POLR3E: variants seen among roughly 807,000 people sequenced by gnomAD.
POLR3E encodes the protein RNA polymerase III subunit E.
In POLR3E, 41 loss-of-function variants were observed where a neutral mutation model predicts 96.6. That is an observed-to-expected ratio of 0.42 (90% CI 0.33 to 0.55). The LOEUF (loss-of-function observed/expected upper bound fraction) is 0.55. POLR3E is among the 20% of genes least tolerant of loss of function. POLR3E has a pLI of 0.06. For synonymous variants in POLR3E, 396 were observed against 383.6 expected (o/e 1.03, Z -0.38); for missense variants, 849 against 952.1 (o/e 0.89, Z 1.43).
At chr16:22,301,261 G>A (rs1157868432) in intron 1 of POLR3E, among the ~76,000 whole-genome samples, 1 of 152,152 alleles carries the variant, frequency 6.6e-6, no homozygotes, top group Admixed American at 6.6e-5. Context: ...GCAGGAGATT[G>A]TTTAGGGTTT....
At chr16:22,333,556 T>C in intron 20 of POLR3E, 88 bp from the exon 21 acceptor site, 1 of 903,394 alleles carries the variant, frequency 1.1e-6, no homozygotes. Context: ...TATTCACTAA[T>C]CATAAATCGA....
chr16:22,301,995 G>A (rs907497178), intron 1 of POLR3E, among the ~76,000 whole-genome samples: 2 of 152,054 alleles, frequency 1.3e-5, no homozygotes, highest in Non-Finnish European at 2.9e-5. Context: ...AGGCCTGGGG[G>A]TGCCTGAGTA....
At chr16:22,332,568 A>G (rs1429390247) in intron 20 of POLR3E, among the ~76,000 whole-genome samples, 1 of 152,100 alleles carries the variant, frequency 6.6e-6, no homozygotes, top group Non-Finnish European at 1.5e-5. Flanking sequence ...CAATAGAACA[A>G]CAAAAAAATA....
intron 1 of POLR3E, among the ~76,000 whole-genome samples, chr16:22,298,646 G>A (rs917269963): frequency 1.3e-5 from 2 of 152,202 alleles, no homozygotes; most frequent in Non-Finnish European, 2.9e-5. Flanking sequence ...GTGCAGTATA[G>A]TGGTTAAGAA....
intron 1 of POLR3E, among the ~76,000 whole-genome samples, chr16:22,298,434 C>T (rs1418514549): frequency 6.6e-6 from 1 of 152,166 alleles, no homozygotes; most frequent in Admixed American, 6.5e-5. Flanking sequence ...AGCGTCCTGT[C>T]CTTACTCCTT....
chr16:22,319,265 G>GC (rs1274115946), intron 13 of POLR3E, among the ~76,000 whole-genome samples: 3 of 152,266 alleles, frequency 2.0e-5, no homozygotes, highest in African/African-American at 7.2e-5. Flanking sequence ...GAGCCACCGG[G>GC]CCCGGCCTAC....
chr16:22,323,502 A>T lies in POLR3E; in HGVS notation c.1068+571A>T, dbSNP rs535764973. On this transcript the variant is annotated intron_variant, in intron 14 of 20. Coordinates refer to ENST00000299853, the MANE Select transcript of POLR3E (RefSeq NM_018119.4). The stretch of plus-strand genomic sequence containing the variant: ...GTCTTCCTAGGCTTGGTGCTGGCTG[A>T]AACGTGCTGCCCAGGAGCTGTCCCA... Among the ~76,000 whole-genome samples the T allele has an allele frequency of 8.2e-4, 125 of 152,194 alleles. 1 individual carries two copies. The South Asian group carries it at 0.013, about 15-fold the overall frequency.
At chr16:22,330,827 A>G (rs2048722190) in intron 19 of POLR3E, among the ~76,000 whole-genome samples, 1 of 152,082 alleles carries the variant, frequency 6.6e-6, no homozygotes, top group Non-Finnish European at 1.5e-5. Context: ...AAAAAAAAGG[A>G]GAATCAAATC....
At chr16:22,305,353 G>C in intron 3 of POLR3E, 147 bp downstream of exon 3, 1 of 733,204 alleles carries the variant, frequency 1.4e-6, no homozygotes, top group Non-Finnish European at 2.5e-6. Flanking sequence ...TTTCGTGGGT[G>C]GGTTAATATT....
rs1431224331 is a variant in POLR3E, at chr16:22,309,041, G to A, written c.281+1G>A. 2.5e-6 allele frequency: 4 copies of A among 1,604,048 alleles called. No homozygotes were observed. The highest frequency in any genetic ancestry group is 3.4e-6 in the Non-Finnish European group (4 of 1,171,404). ...CCGACGAGACCAGCACGTATTCCTCGTGAGTTTCCGGCCCCAAGCCTGTCC... is the reference window on the plus strand; with the variant it reads ...CCGACGAGACCAGCACGTATTCCTCATGAGTTTCCGGCCCCAAGCCTGTCC... On this transcript the variant is annotated splice_donor_variant, in intron 5 of 20. Transcript: ENST00000299853. LOFTEE classifies it high-confidence loss of function.
At position 22,309,476 on chromosome 16, in the gene POLR3E, C is replaced by G. The variant is rs772727182; in HGVS notation, c.330C>G (p.Asn110Lys). 6.2e-7 allele frequency: 1 copy of G among 1,613,928 alleles called. No homozygotes were observed. The highest frequency in any genetic ancestry group is 1.1e-5 in the South Asian group (1 of 91,080). The change falls in exon 6 of 21, where the codon AAC becomes AAG. Residue 110 changes from asparagine (N) to lysine (K), a missense_variant. By Grantham distance (94) the Asn-to-Lys change is moderately conservative (BLOSUM62 0). Coordinates refer to ENST00000299853, the MANE Select transcript of POLR3E (RefSeq NM_018119.4). ...QTFCSSQTTS[N>K]TSRYAAALYR... Reference sequence around the variant, plus strand: ...TCTGCTCTTCCCAGACCACCAGTAACACATCCCGTTATGCCGCTGCACTCT... The same window carrying G: ...TCTGCTCTTCCCAGACCACCAGTAAGACATCCCGTTATGCCGCTGCACTCT...
At chr16:22,323,050 A>C in intron 14 of POLR3E, 119 bp downstream of exon 14, 1 of 672,946 alleles carries the variant, frequency 1.5e-6, no homozygotes, top group South Asian at 1.7e-5. Flanking sequence ...GTGTGTGAGG[A>C]GGCCCTGGCC....
intron 20 of POLR3E, 22 bp downstream of exon 20, chr16:22,332,207 C>T (rs2048755660): frequency 6.2e-7 from 1 of 1,603,988 alleles, no homozygotes; most frequent in African/African-American, 1.3e-5. Context: ...TTGTGCATAA[C>T]AAACAATATC....
At chr16:22,306,168 T>C (rs1598239522) in intron 3 of POLR3E, among the ~76,000 whole-genome samples, 1 of 152,244 alleles carries the variant, frequency 6.6e-6, no homozygotes, top group Non-Finnish European at 1.5e-5. Context: ...GTATGTGGCC[T>C]GCTGTGATTG....
At chr16:22,320,062 T>A (rs1450829127) in intron 13 of POLR3E, among the ~76,000 whole-genome samples, 1 of 152,208 alleles carries the variant, frequency 6.6e-6, no homozygotes, top group Non-Finnish European at 1.5e-5. Flanking sequence ...CTTACATTCA[T>A]GACTTAACAC....
At position 22,334,281 on chromosome 16, in the gene POLR3E, A is replaced by G. The variant is rs1399690714; in HGVS notation, c.*581A>G. ...GCAGTCTCAACTGTTTACATGAACC[A>G]TAGCAAAAAAATCAGAATCAAATCC... On this transcript the variant is annotated 3_prime_UTR_variant, in exon 21 of 21. Transcript: ENST00000299853. The G allele has an allele frequency of 6.6e-6, 1 of 152,262 alleles. No homozygotes were observed. The highest frequency in any genetic ancestry group is 2.4e-5 in the African/African-American group (1 of 41,468). The allele number at this position is 152,262 out of a possible 1,614,324, so 9.4% of individuals were successfully genotyped here.
At chr16:22,332,023 C>A (rs755705035) in intron 19 of POLR3E, 37 bp from the exon 20 acceptor site, 11 of 1,601,018 alleles carry the variant, frequency 6.9e-6, no homozygotes, top group Admixed American at 1.7e-5. Context: ...CTTTTTAGAT[C>A]ACTGTTTCCC....
In POLR3E at chr16:22,314,127, C is replaced by T. The variant is rs779722712; in HGVS notation, c.521C>T (p.Thr174Met). The change falls in exon 8 of 21, where the codon ACG (threonine) becomes ATG (methionine). Residue 174 changes from threonine to methionine, a missense_variant and splice_region_variant. Thr to Met is a moderately conservative substitution (Grantham distance 81, BLOSUM62 -1). Coordinates refer to ENST00000299853, the MANE Select transcript of POLR3E (RefSeq NM_018119.4). ...GCGGAAGACGATGTTAAGCAGATCA[C>T]GGTGAGCCCTGGCCCCTGGAGGAGG... ...DEAEDDVKQITVRFSRPESEQ... is the reference protein window; with the variant it reads ...DEAEDDVKQIMVRFSRPESEQ... The T allele has an allele frequency of 1.1e-5, 18 of 1,613,332 alleles. No individual in the cohort carries two copies. The highest frequency in any genetic ancestry group is 4.5e-5 in the East Asian group (2 of 44,880).
chr16:22,325,165 G>A, intron 16 of POLR3E, 40 bp from the exon 17 acceptor site: 1 of 1,461,714 alleles, frequency 6.8e-7, no homozygotes, highest in East Asian at 2.3e-5. Context: ...AGATGGTAGG[G>A]GACGTGGTTT....
Sources: gnomAD v4.1 joint callset for allele counts (sites outside exome capture counted in the v4.1 genomes callset) on GRCh38, gnomAD v4.1.1 for gene constraint, MANE v1.5 for transcripts, NCBI Gene and HGNC (gene_info 2026-07-23, HGNC 2026-07-21) for gene names.